The following UNC5D variants were observed in gnomAD, a reference collection of about 807,000 sequenced individuals.
UNC5D encodes unc-5 netrin receptor D.
A neutral mutation model predicts 105.4 loss-of-function variants in UNC5D; 39 were observed. The ratio of observed to expected loss-of-function variants is 0.37; its 90% CI spans 0.29 to 0.48. The LOEUF (loss-of-function observed/expected upper bound fraction) is 0.48. Ranked by LOEUF, UNC5D falls within the 20% of genes least tolerant of loss-of-function variation. UNC5D has a pLI of 0.98. For missense variants in UNC5D, 991 were observed against 1,202.4 expected, an observed-to-expected ratio of 0.82 and a Z score of 2.60; for synonymous variants, 452 against 450.4, an observed-to-expected ratio of 1.00 and a Z score of -0.04.
intron 4 of UNC5D, among the ~76,000 whole-genome samples, chr8:35,667,629 A>G (rs11786456): frequency 0.52 from 78,414 of 152,110 alleles, 23,854 homozygotes; most frequent in Middle Eastern, 0.67. Context: ...AGAAGAACAT[A>G]CCAATCACCA....
intron 1 of UNC5D, chr8:35,254,563 A>G (rs544892250): frequency 6.6e-6 from 1 of 152,320 alleles, no homozygotes; most frequent in East Asian, 1.9e-4. Context: ...AATGATGTTC[A>G]CTTAACATCA....
rs144623331 is a variant in UNC5D at position 35,589,194 on chromosome 8, A to G, written c.467-6360A>G. ...GCATATGGTAGAGATCATGTACTCC[A>G]CTCTATTTTATTTAGCACTTAATCT... On this transcript the variant is annotated intron_variant, in intron 3 of 16. Transcript: ENST00000404895. Among the ~76,000 whole-genome samples the G allele has an allele frequency of 5.4e-3, 819 of 152,198 alleles. 6 individuals are homozygous for G. The highest frequency in any genetic ancestry group is 0.032 in the East Asian group (168 of 5,174).
chr8:35,526,248 C>A (rs1813863170), intron 1 of UNC5D, among the ~76,000 whole-genome samples: 1 of 152,194 alleles, frequency 6.6e-6, no homozygotes, highest in Admixed American at 6.5e-5. Context: ...AACCCAGGGT[C>A]CACATTTATC....
intron 1 of UNC5D, among the ~76,000 whole-genome samples, chr8:35,391,909 T>TTTA (rs1330248178): frequency 6.6e-6 from 1 of 152,214 alleles, no homozygotes; most frequent in Non-Finnish European, 1.5e-5. Flanking sequence ...ATTTTCTTTT[T>TTTA]GCTTAGTCTC....
intron 4 of UNC5D, among the ~76,000 whole-genome samples, chr8:35,658,215 G>A (rs1823889464): frequency 6.6e-6 from 1 of 152,164 alleles, no homozygotes; most frequent in Admixed American, 6.5e-5. Flanking sequence ...CTTTTTGTCT[G>A]TGTAAGAAAT....
intron 4 of UNC5D, among the ~76,000 whole-genome samples, chr8:35,650,036 G>C (rs1432089771): frequency 1.3e-5 from 2 of 152,124 alleles, no homozygotes; most frequent in Non-Finnish European, 2.9e-5. Context: ...AACTAGATTG[G>C]TATATGAGGG....
At chr8:35,574,610 A>G (rs1230125342) in intron 3 of UNC5D, among the ~76,000 whole-genome samples, 1 of 152,220 alleles carries the variant, frequency 6.6e-6, no homozygotes, top group Non-Finnish European at 1.5e-5. Flanking sequence ...TGAAACCTCA[A>G]TTATGGATCT....
chr8:35,284,564 C>G (rs1806447500), intron 1 of UNC5D, among the ~76,000 whole-genome samples: 1 of 151,876 alleles, frequency 6.6e-6, no homozygotes, highest in South Asian at 2.1e-4. Flanking sequence ...CTTTTCTTTT[C>G]TTTTCTTTTT....
intron 1 of UNC5D, among the ~76,000 whole-genome samples, chr8:35,278,076 G>A (rs1805892723): frequency 6.6e-6 from 1 of 152,072 alleles, no homozygotes; most frequent in Admixed American, 6.5e-5. Flanking sequence ...CTGGTCTGGG[G>A]CTTCTGATTT....
intron 9 of UNC5D, chr8:35,724,187 A>T: frequency 6.7e-7 from 1 of 1,486,072 alleles, no homozygotes; most frequent in Non-Finnish European, 8.9e-7. Flanking sequence ...TGTATTGTAA[A>T]TCTCTAAGAC....
intron 16 of UNC5D, among the ~76,000 whole-genome samples, chr8:35,780,696 G>C (rs1174239871): frequency 6.6e-6 from 1 of 152,146 alleles, no homozygotes; most frequent in African/African-American, 2.4e-5. Flanking sequence ...TTTCATTCTT[G>C]TGTTTGGGGA....
At chr8:35,683,317 T>C (rs1825797149) in intron 4 of UNC5D, among the ~76,000 whole-genome samples, 1 of 152,222 alleles carries the variant, frequency 6.6e-6, no homozygotes. Context: ...CAATGTAGGA[T>C]ATTTGTGTTC....
intron 4 of UNC5D, among the ~76,000 whole-genome samples, chr8:35,631,414 A>G (rs1289932221): frequency 6.6e-6 from 1 of 152,188 alleles, no homozygotes; most frequent in Non-Finnish European, 1.5e-5. Context: ...ACACAGCTTG[A>G]CATAGTTCTT....
rs547921759 is a variant in UNC5D at position 35,750,518 on chromosome 8, G to C, written c.1936-64G>C. 6 of 1,501,814 alleles carry C rather than the reference G, an allele frequency of 4.0e-6. No individual in the cohort carries two copies. In the African/African-American group the frequency reaches 8.3e-5, roughly 21 times the overall value. The allele number at this position is 1,501,814 out of a possible 1,614,324, so 93.0% of individuals were successfully genotyped here. ...TGTGTGTTTATTTATTTGTGTCCTG[G>C]CAATATAAAGGTTAGATCACATCTT... On this transcript the variant is annotated intron_variant, in intron 12 of 16. Transcript: ENST00000404895.
chr8:35,781,250 C>G (rs1027379365), intron 16 of UNC5D, among the ~76,000 whole-genome samples: 3 of 152,182 alleles, frequency 2.0e-5, no homozygotes, highest in African/African-American at 7.2e-5. Context: ...TGAAGCTGAA[C>G]ATAGACAGCT....
intron 1 of UNC5D, among the ~76,000 whole-genome samples, chr8:35,435,376 T>G (rs2128978806): frequency 6.6e-6 from 1 of 152,246 alleles, no homozygotes; most frequent in Non-Finnish European, 1.5e-5. Flanking sequence ...CCTACATTTC[T>G]TCAATGCATT....
chr8:35,374,935 G>A lies in UNC5D; in HGVS notation c.103+139048G>A, dbSNP rs561419458. ...CATAAACGAACTTTCTAAGAAGAATGAGAAAATTAGTTTTATTATAAGGAG... is the reference window on the plus strand; with the variant it reads ...CATAAACGAACTTTCTAAGAAGAATAAGAAAATTAGTTTTATTATAAGGAG... On this transcript the variant is annotated intron_variant, in intron 1 of 16. Transcript: ENST00000404895. 5.3e-5 allele frequency among the ~76,000 whole-genome samples: 8 copies of A among 152,292 alleles called. No individual in the cohort carries two copies. In the East Asian group the frequency reaches 1.5e-3, roughly 29 times the overall value.
chr8:35,237,845 G>C (rs1802569511), intron 1 of UNC5D, among the ~76,000 whole-genome samples: 1 of 152,168 alleles, frequency 6.6e-6, no homozygotes, highest in African/African-American at 2.4e-5. Context: ...CTGTGAAACC[G>C]GTGAAGCCAC....
intron 4 of UNC5D, among the ~76,000 whole-genome samples, chr8:35,657,709 C>G (rs1229202677): frequency 6.6e-6 from 1 of 152,150 alleles, no homozygotes; most frequent in Non-Finnish European, 1.5e-5. Context: ...TGGTCTCAAA[C>G]TTATGACCTC....
Sources: allele counts gnomAD v4.1 joint callset (sites outside exome capture counted in the v4.1 genomes callset), GRCh38; gene constraint gnomAD v4.1.1; transcripts MANE v1.5; gene names NCBI Gene and HGNC (gene_info 2026-07-23, HGNC 2026-07-21).